Variants in CSMD1 observed in about 807,000 individuals in gnomAD.
CSMD1 encodes CUB and Sushi multiple domains 1.
Under a neutral mutation model 417.5 loss-of-function variants are expected in CSMD1, and 213 were observed. The ratio of observed to expected loss-of-function variants is 0.51; its 90% CI spans 0.46 to 0.57. CSMD1 has a LOEUF of 0.57. Among genes scored for constraint, CSMD1 ranks in the 20% least tolerant of loss-of-function variants. The pLI is 0.00. For missense variants in CSMD1, 6,923 were observed against 4,529.7 expected (o/e 1.53, Z -15.17); for synonymous variants, 2,862 against 1,736.8 (o/e 1.65, Z -16.11).
intron 2 of CSMD1, among the ~76,000 whole-genome samples, chr8:4,622,621 A>G (rs1407804044): frequency 6.6e-6 from 1 of 152,192 alleles, no homozygotes; most frequent in East Asian, 1.9e-4. Flanking sequence ...AAGCAGAGGA[A>G]AGAAGAGCAG....
chr8:3,443,336 G>C (rs1815108640), intron 12 of CSMD1, among the ~76,000 whole-genome samples: 1 of 149,872 alleles, frequency 6.7e-6, no homozygotes, highest in Admixed American at 6.6e-5. Flanking sequence ...AGAAAGAGGA[G>C]AGAGAGAGAA....
intron 3 of CSMD1, among the ~76,000 whole-genome samples, chr8:4,076,895 A>T (rs1470535467): frequency 6.6e-6 from 1 of 152,174 alleles, no homozygotes; most frequent in Non-Finnish European, 1.5e-5. Context: ...AGTCTGAAGA[A>T]CTACTGAAAT....
chr8:3,147,105 C>T (rs919595193), intron 40 of CSMD1, among the ~76,000 whole-genome samples: 2 of 152,110 alleles, frequency 1.3e-5, no homozygotes, highest in Admixed American at 1.3e-4. Flanking sequence ...CCCTGAGAAT[C>T]CAAATCCCAA....
chr8:4,835,889 T>G (rs2116744578), intron 1 of CSMD1, among the ~76,000 whole-genome samples: 1 of 152,146 alleles, frequency 6.6e-6, no homozygotes, highest in East Asian at 1.9e-4. Flanking sequence ...ATGCTGCCTC[T>G]TTTTCTCTTT....
At chr8:3,312,913 A>C (rs1255477722) in intron 23 of CSMD1, among the ~76,000 whole-genome samples, 1 of 152,204 alleles carries the variant, frequency 6.6e-6, no homozygotes, top group Non-Finnish European at 1.5e-5. Context: ...TGCAAATTGC[A>C]TGAAGTACAT....
At chr8:4,657,634 A>G (rs1351017551) in intron 1 of CSMD1, among the ~76,000 whole-genome samples, 6 of 152,028 alleles carry the variant, frequency 3.9e-5, no homozygotes, top group African/African-American at 1.2e-4. Flanking sequence ...TTGCACAGTT[A>G]CCAATGTATA....
intron 1 of CSMD1, among the ~76,000 whole-genome samples, chr8:4,755,635 G>C (rs905544878): frequency 2.0e-5 from 3 of 152,142 alleles, no homozygotes; most frequent in African/African-American, 7.2e-5. Flanking sequence ...CCAGCCCCCA[G>C]AATCTGCCAA....
chr8:3,938,850 C>T (rs987831915), intron 5 of CSMD1, among the ~76,000 whole-genome samples: 3 of 152,072 alleles, frequency 2.0e-5, no homozygotes, highest in African/African-American at 7.2e-5. Context: ...ACAAAGTAAA[C>T]CTTTTCAGAA....
intron 5 of CSMD1, among the ~76,000 whole-genome samples, chr8:3,978,151 C>T (rs896116611): frequency 1.3e-5 from 2 of 152,132 alleles, no homozygotes. Flanking sequence ...AGAGAAACTT[C>T]CTCTCGAGTG....
chr8:4,324,154 G>A (rs939911810), intron 3 of CSMD1, among the ~76,000 whole-genome samples: 2 of 152,194 alleles, frequency 1.3e-5, no homozygotes, highest in African/African-American at 4.8e-5. Flanking sequence ...TATCAATGCT[G>A]ACAAACAGTG....
At chr8:4,406,934 C>G (rs1458528349) in intron 3 of CSMD1, among the ~76,000 whole-genome samples, 10 of 152,128 alleles carry the variant, frequency 6.6e-5, no homozygotes, top group Non-Finnish European at 2.9e-5. Flanking sequence ...CAAGACCAAG[C>G]TGACTTAAAA....
At chr8:4,297,290 G>A (rs1262211941) in intron 3 of CSMD1, among the ~76,000 whole-genome samples, 2 of 151,994 alleles carry the variant, frequency 1.3e-5, no homozygotes, top group African/African-American at 4.8e-5. Flanking sequence ...AAACAGCCTT[G>A]TATCTTACAT....
intron 1 of CSMD1, among the ~76,000 whole-genome samples, chr8:4,647,549 C>T (rs1356263064): frequency 6.6e-6 from 1 of 152,074 alleles, no homozygotes; most frequent in Non-Finnish European, 1.5e-5. Flanking sequence ...GACCCCTCCT[C>T]TAAGTTCCCT....
chr8:3,218,954 C>A (rs557476824), intron 29 of CSMD1, among the ~76,000 whole-genome samples: 1 of 151,778 alleles, frequency 6.6e-6, no homozygotes, highest in Non-Finnish European at 1.5e-5. Flanking sequence ...TGTTAAAACC[C>A]GTCTTAAAAT....
intron 5 of CSMD1, among the ~76,000 whole-genome samples, chr8:3,989,803 G>A (rs748809361): frequency 2.0e-5 from 3 of 152,188 alleles, no homozygotes; most frequent in African/African-American, 4.8e-5. Flanking sequence ...TGGATAGCAC[G>A]TGCCAACAGG....
At chr8:3,266,242 G>A (rs1331201426) in intron 26 of CSMD1, among the ~76,000 whole-genome samples, 2 of 151,048 alleles carry the variant, frequency 1.3e-5, no homozygotes, top group Admixed American at 6.6e-5. Context: ...GGATGATCAT[G>A]AAAACCTAGA....
chr8:3,712,168 C>G (rs912207619), intron 6 of CSMD1, among the ~76,000 whole-genome samples: 2 of 94,110 alleles, frequency 2.1e-5, no homozygotes, highest in African/African-American at 7.4e-5. Context: ...TTACTACGTT[C>G]TCTTATTGGA....
chr8:4,090,992 C>G (rs988331206), intron 3 of CSMD1, among the ~76,000 whole-genome samples: 1 of 151,376 alleles, frequency 6.6e-6, no homozygotes, highest in Non-Finnish European at 1.5e-5. Context: ...AATCCTGGCT[C>G]ACTGCAACCT....
At chr8:4,128,683 C>A (rs908760683) in intron 3 of CSMD1, among the ~76,000 whole-genome samples, 5 of 152,064 alleles carry the variant, frequency 3.3e-5, no homozygotes, top group South Asian at 2.1e-4. Context: ...ATCCCATACC[C>A]CACAACCTCA....
Sources: allele counts gnomAD v4.1 joint callset (sites outside exome capture counted in the v4.1 genomes callset), GRCh38; gene constraint gnomAD v4.1.1; transcripts MANE v1.5; gene names NCBI Gene and HGNC (gene_info 2026-07-23, HGNC 2026-07-21).